The following GPR158 variants were observed in gnomAD, a reference collection of about 807,000 sequenced individuals.
The protein encoded by GPR158 is metabotropic glycine receptor.
Under a neutral mutation model 78.2 loss-of-function variants are expected in GPR158, and 30 were observed. That is an observed-to-expected ratio of 0.38 (90% confidence interval 0.29 to 0.52). The LOEUF (loss-of-function observed/expected upper bound fraction) is 0.52. Ranked by LOEUF, GPR158 falls within the 20% of genes least tolerant of loss-of-function variation. GPR158 has a pLI of 0.83. For synonymous variants in GPR158, 581 were observed against 591.1 expected, an observed-to-expected ratio of 0.98 and a Z score of 0.25; for missense variants, 1,463 against 1,523.5, an observed-to-expected ratio of 0.96 and a Z score of 0.66.
intron 2 of GPR158, among the ~76,000 whole-genome samples, chr10:25,318,184 G>A (rs1854888800): frequency 6.6e-6 from 1 of 152,126 alleles, no homozygotes; most frequent in Non-Finnish European, 1.5e-5. Context: ...TAGGAGGGGA[G>A]GGAGTATGTG....
chr10:25,391,101 G>A (rs1326872587), intron 2 of GPR158, among the ~76,000 whole-genome samples: 1 of 152,218 alleles, frequency 6.6e-6, no homozygotes, highest in Non-Finnish European at 1.5e-5. Context: ...TTGAGGTTTG[G>A]GAACCTCTGC....
chr10:25,547,681 C>A (rs532221995), intron 5 of GPR158, among the ~76,000 whole-genome samples: 1 of 152,264 alleles, frequency 6.6e-6, no homozygotes, highest in Non-Finnish European at 1.5e-5. Context: ...AGGATGACAT[C>A]ATTGTTCTTA....
rs758031096 is a variant in GPR158 at position 25,175,400 on chromosome 10, C to T, written c.-21C>T. The stretch of plus-strand genomic sequence containing the variant: ...GTGATTCCCCCCCCTCCCGTTCCCT[C>T]CTCTTCTCTCTGGGAGGCAGATGGG... On this transcript the variant is annotated 5_prime_UTR_variant, in exon 1 of 11. Coordinates refer to ENST00000376351, the MANE Select transcript of GPR158 (RefSeq NM_020752.3). This position sits in a 1 kb window ranked among gnomAD's most constrained non-coding sequence, Gnocchi z 6.4. 4 of 1,458,330 alleles carry T rather than the reference C, an allele frequency of 2.7e-6. No individual in the cohort carries two copies. Among genetic ancestry groups the T allele is most frequent in the Non-Finnish European group, 3.7e-6 (4 of 1,080,830 alleles). 90.3% of individuals were successfully genotyped at this position (1,458,330 alleles called of 1,614,324 possible).
chr10:25,430,964 C>T (rs7083726), intron 4 of GPR158, among the ~76,000 whole-genome samples: 95,511 of 138,742 alleles, frequency 0.69, 34,074 homozygotes, highest in Non-Finnish European at 0.79. Context: ...AAGGACTTCA[C>T]GTCTAAAACA....
intron 5 of GPR158, among the ~76,000 whole-genome samples, chr10:25,505,881 A>G (rs1836007304): frequency 6.6e-6 from 1 of 152,164 alleles, no homozygotes; most frequent in Non-Finnish European, 1.5e-5. Flanking sequence ...TTCTGACCCA[A>G]GCTTTCCTCC....
At chr10:25,361,090 C>G (rs1588824271) in intron 2 of GPR158, among the ~76,000 whole-genome samples, 2 of 151,722 alleles carry the variant, frequency 1.3e-5, no homozygotes, top group Non-Finnish European at 2.9e-5. Flanking sequence ...TCTCTTTTTC[C>G]CCTTTCTCCT....
intron 2 of GPR158, among the ~76,000 whole-genome samples, chr10:25,267,887 A>T (rs1854064355): frequency 6.6e-6 from 1 of 152,176 alleles, no homozygotes; most frequent in Non-Finnish European, 1.5e-5. Flanking sequence ...ATGGAATTGC[A>T]GAAGAATTAC....
chr10:25,491,334 C>T (rs1039267454), intron 5 of GPR158, among the ~76,000 whole-genome samples: 3 of 152,128 alleles, frequency 2.0e-5, no homozygotes, highest in Non-Finnish European at 4.4e-5. Flanking sequence ...CCTAGTGTGT[C>T]TCCTTTATAT....
chr10:25,460,235 T>C (rs1429543671), intron 4 of GPR158, among the ~76,000 whole-genome samples: 3 of 151,866 alleles, frequency 2.0e-5, no homozygotes, highest in Non-Finnish European at 1.5e-5. Flanking sequence ...GGAGTCTTGC[T>C]CTGTTGCCAA....
chr10:25,331,250 C>T (rs565653515), intron 2 of GPR158, among the ~76,000 whole-genome samples: 1 of 152,264 alleles, frequency 6.6e-6, no homozygotes, highest in South Asian at 2.1e-4. Context: ...TAATAAATGC[C>T]TATTTTTATT....
At chr10:25,438,565 T>G (rs1410022626) in intron 4 of GPR158, among the ~76,000 whole-genome samples, 1 of 152,214 alleles carries the variant, frequency 6.6e-6, no homozygotes, top group Non-Finnish European at 1.5e-5. Flanking sequence ...GAGGGAGAGA[T>G]ATAACAGTAA....
chr10:25,357,227 G>A lies in GPR158; in HGVS notation c.1009-38684G>A, dbSNP rs571191161. On this transcript the variant is annotated intron_variant, in intron 2 of 10. Coordinates refer to ENST00000376351, the MANE Select transcript of GPR158 (RefSeq NM_020752.3). Reference sequence around the variant, plus strand: ...CTGTTAAAAGCATTCACTTTTATAAGGGGAGAAGATCATAAAAGTTTTGAA... The same window carrying A: ...CTGTTAAAAGCATTCACTTTTATAAAGGGAGAAGATCATAAAAGTTTTGAA... Among the ~76,000 whole-genome samples the A allele has an allele frequency of 4.6e-5, 7 of 152,196 alleles. No individual in the cohort carries two copies. In the East Asian group the frequency reaches 1.4e-3, roughly 30 times the overall value.
At chr10:25,517,546 A>G (rs1426611696) in intron 5 of GPR158, among the ~76,000 whole-genome samples, 2 of 152,092 alleles carry the variant, frequency 1.3e-5, no homozygotes. Context: ...AATACGTCCC[A>G]TCAATACCTA....
chr10:25,447,019 C>T (rs1438630463), intron 4 of GPR158, among the ~76,000 whole-genome samples: 1 of 152,000 alleles, frequency 6.6e-6, no homozygotes, highest in Non-Finnish European at 1.5e-5. Context: ...AAGTGACTTA[C>T]AAGTTAAAAG....
In GPR158 at chr10:25,176,355, A is replaced by G. The variant is rs1028986620; in HGVS notation, c.902+33A>G. 6.7e-7 allele frequency: 1 copy of G among 1,496,098 alleles called. No homozygotes were observed. The highest frequency in any genetic ancestry group is 9.0e-7 in the Non-Finnish European group (1 of 1,111,924). 92.7% of individuals were successfully genotyped at this position (1,496,098 alleles called of 1,614,324 possible). On this transcript the variant is annotated intron_variant, in intron 1 of 10. Transcript: ENST00000376351. This position sits in a 1 kb window ranked among gnomAD's most constrained non-coding sequence, Gnocchi z 6.3. The stretch of plus-strand genomic sequence containing the variant: ...GGGCCGGGGGGCAGGGGGGAAGGCA[A>G]AAGCGAAGCTTTCCTTCCGGTCTTG...
chr10:25,574,338 AATCG>A (rs1837058741), intron 7 of GPR158, among the ~76,000 whole-genome samples: 1 of 152,108 alleles, frequency 6.6e-6, no homozygotes, highest in Non-Finnish European at 1.5e-5. Context: ...AGAATTATAT[AATCG>A]ATAGTAACCT....
chr10:25,409,588 TA>T (rs1056543311), intron 3 of GPR158, among the ~76,000 whole-genome samples: 5 of 152,206 alleles, frequency 3.3e-5, no homozygotes, highest in African/African-American at 1.2e-4. Flanking sequence ...AAACACCTTT[TA>T]AAAAATCTTT....
At chr10:25,502,371 T>C (rs1303812711) in intron 5 of GPR158, among the ~76,000 whole-genome samples, 1 of 152,166 alleles carries the variant, frequency 6.6e-6, no homozygotes, top group Non-Finnish European at 1.5e-5. Context: ...TTTATCATCC[T>C]GTACACGGTG....
At position 25,209,192 on chromosome 10, in the gene GPR158, T is replaced by G. The variant is rs1588735975; in HGVS notation, c.903-11860T>G. 2.0e-5 allele frequency among the ~76,000 whole-genome samples: 3 copies of G among 152,152 alleles called. No homozygotes were observed. In the East Asian group the frequency reaches 5.8e-4, roughly 29 times the overall value. On this transcript the variant is annotated intron_variant, in intron 1 of 10. Transcript: ENST00000376351. Reference sequence around the variant, plus strand: ...TTAGGCAGTTCTCTTTTATGTGTAATATGTAAATTGTATGGAATATGGTTT... The same window carrying G: ...TTAGGCAGTTCTCTTTTATGTGTAAGATGTAAATTGTATGGAATATGGTTT...
Sources: allele counts gnomAD v4.1 joint callset (sites outside exome capture counted in the v4.1 genomes callset), GRCh38; gene constraint gnomAD v4.1.1; non-coding constraint Gnocchi (gnomAD v3.1); transcripts MANE v1.5; gene names NCBI Gene and HGNC (gene_info 2026-07-23, HGNC 2026-07-21).